The following RDX variants were observed in gnomAD, a reference collection of about 807,000 sequenced individuals.
RDX encodes deafness, autosomal recessive 24.
A neutral mutation model predicts 83.7 loss-of-function variants in RDX; 32 were observed. The ratio of observed to expected loss-of-function variants is 0.38; its 90% CI spans 0.29 to 0.51. The LOEUF (loss-of-function observed/expected upper bound fraction) is 0.51, where lower values mean the gene tolerates loss of function less well. RDX is among the 20% of genes least tolerant of loss of function. RDX has a pLI of 0.87. For synonymous variants in RDX, 229 were observed against 222.7 expected (o/e 1.03, Z -0.25); for missense variants, 600 against 689.9 (o/e 0.87, Z 1.46).
At chr11:110,263,240 C>T (rs1859873053) in intron 5 of RDX, 1 of 151,296 alleles carries the variant, frequency 6.6e-6, no homozygotes, top group Admixed American at 6.6e-5. Context: ...GATTGCACCA[C>T]TGCACTCCAG....
intron 13 of RDX, 67 bp downstream of exon 13, chr11:110,233,170 G>C: frequency 1.3e-6 from 2 of 1,591,312 alleles, no homozygotes; most frequent in Non-Finnish European, 1.7e-6. Context: ...TTTTAACTAA[G>C]TTTGTCTAAG....
intron 10 of RDX, among the ~76,000 whole-genome samples, chr11:110,246,909 T>A (rs1025604886): frequency 5.3e-5 from 8 of 152,220 alleles, no homozygotes; most frequent in Non-Finnish European, 8.8e-5. Context: ...ATAGCTTGTT[T>A]TACCAATTGT....
At chr11:110,296,141 C>T (rs1429729040) in intron 1 of RDX, among the ~76,000 whole-genome samples, 1 of 152,202 alleles carries the variant, frequency 6.6e-6, no homozygotes, top group Admixed American at 6.5e-5. Context: ...CCGACACCGG[C>T]GCTGAAGGCA....
At chr11:110,219,834 G>A (rs572146824) in intron 14 of RDX, among the ~76,000 whole-genome samples, 1 of 152,172 alleles carries the variant, frequency 6.6e-6, no homozygotes, top group East Asian at 1.9e-4. Context: ...ATATACATCT[G>A]AAGTTCAGGG....
intron 14 of RDX, among the ~76,000 whole-genome samples, chr11:110,212,245 T>G (rs1307977123): frequency 6.6e-6 from 1 of 152,134 alleles, no homozygotes; most frequent in Non-Finnish European, 1.5e-5. Flanking sequence ...AAGAAATGGA[T>G]AAATTCCTGG....
At chr11:110,249,350 A>G (rs1172476429) in intron 9 of RDX, among the ~76,000 whole-genome samples, 1 of 152,200 alleles carries the variant, frequency 6.6e-6, no homozygotes, top group Non-Finnish European at 1.5e-5. Context: ...AACTTATCAG[A>G]AAAGTTTTGC....
chr11:110,196,233 C>T (rs777145615), intron 15 of RDX: 2 of 152,130 alleles, frequency 1.3e-5, no homozygotes, highest in African/African-American at 2.4e-5. Context: ...CTTGAACACT[C>T]GTATTATCAA....
intron 1 of RDX, among the ~76,000 whole-genome samples, chr11:110,283,193 A>T (rs1318386402): frequency 6.6e-6 from 1 of 152,100 alleles, no homozygotes; most frequent in Non-Finnish European, 1.5e-5. Context: ...TCGCTCTGTC[A>T]CCCAGGCTGG....
At chr11:110,243,046 A>G (rs1474219393) in intron 10 of RDX, among the ~76,000 whole-genome samples, 1 of 152,198 alleles carries the variant, frequency 6.6e-6, no homozygotes, top group Non-Finnish European at 1.5e-5. Flanking sequence ...AATAAACTAC[A>G]GACAGAGTAT....
At chr11:110,208,538 G>C (rs545003256) in intron 14 of RDX, among the ~76,000 whole-genome samples, 1 of 151,970 alleles carries the variant, frequency 6.6e-6, no homozygotes, top group East Asian at 1.9e-4. Context: ...ACACCTATTG[G>C]GTGGCTTAAA....
chr11:110,183,689 G>A lies in RDX; in HGVS notation c.*32-8455C>T, dbSNP rs142373722. Among the ~76,000 whole-genome samples the A allele has an allele frequency of 2.0e-3, 308 of 152,230 alleles. 1 individual carries two copies. The highest frequency in any genetic ancestry group is 7.2e-3 in the African/African-American group (300 of 41,558). On this transcript the variant is annotated intron_variant, in intron 15 of 15. Transcript: ENST00000528498. ...AACACTCAGATGACCTTTTTTCTCT[G>A]CCACTGCTCTATTACCTGTTCACTT...
At chr11:110,234,649 G>A (rs957070975) in intron 12 of RDX, among the ~76,000 whole-genome samples, 2 of 152,076 alleles carry the variant, frequency 1.3e-5, no homozygotes, top group Non-Finnish European at 2.9e-5. Flanking sequence ...TAAAGTTTAT[G>A]TGTCTCTAAA....
At chr11:110,222,701 C>A (rs572546619) in intron 14 of RDX, among the ~76,000 whole-genome samples, 9 of 152,238 alleles carry the variant, frequency 5.9e-5, no homozygotes, top group Middle Eastern at 3.4e-3. Flanking sequence ...GAGGCTGAGG[C>A]ATGAGAATGG....
chr11:110,243,635 T>C (rs753882999), intron 10 of RDX, among the ~76,000 whole-genome samples: 2 of 151,974 alleles, frequency 1.3e-5, no homozygotes, highest in Non-Finnish European at 2.9e-5. Flanking sequence ...TGAGAATCGC[T>C]TGAAGCTCAG....
intron 14 of RDX, among the ~76,000 whole-genome samples, chr11:110,205,971 T>C (rs1223640509): frequency 7.9e-5 from 12 of 152,186 alleles, no homozygotes; most frequent in Admixed American, 7.9e-4. Flanking sequence ...GTAACAATCC[T>C]ATAGCCAGAC....
chr11:110,261,323 T>TTTATG (rs1859795575), intron 5 of RDX, among the ~76,000 whole-genome samples: 1 of 152,182 alleles, frequency 6.6e-6, no homozygotes, highest in South Asian at 2.1e-4. Flanking sequence ...TATGTAAAAG[T>TTTATG]TTATGTATAT....
Position 110,237,549 on chromosome 11 carries a change from C to A in RDX, c.1194G>T (p.Glu398Asp). The A allele has an allele frequency of 6.2e-7, 1 of 1,613,652 alleles. No individual in the cohort carries two copies. The highest frequency in any genetic ancestry group is 8.5e-7 in the Non-Finnish European group (1 of 1,180,032). The change falls in exon 11 of 14, where the codon GAG becomes GAT. Residue 398 changes from glutamate to aspartate, a missense_variant. By Grantham distance (45) the Glu-to-Asp change is conservative. Coordinates refer to ENST00000645495, the MANE Select transcript of RDX (RefSeq NM_002906.4). ...RLEKERRAAE[E>D]AKSAIAKQAA... ...CTTGTTTTGCTATGGCAGACTTTGC[C>A]TCTTCAGCAGCTCGACGCTCCTTTT...
rs1213856309 is a variant in RDX at position 110,232,557 on chromosome 11, AATTAAG to A, written c.1588-530_1588-525del. ...TTGCCAATATAAAATCTCAACAAAT[AATTAAG>A]ATTATGTAATGTCTTAAACATAGTA... On this transcript the variant is annotated intron_variant, in intron 13 of 13. Coordinates refer to ENST00000645495, the MANE Select transcript of RDX (RefSeq NM_002906.4). Among the ~76,000 whole-genome samples the A allele has an allele frequency of 2.2e-3, 129 of 57,846 alleles. 1 individual carries two copies. The South Asian group carries it at 0.068, about 30-fold the overall frequency. 37.9% of individuals were successfully genotyped at this position (57,846 alleles called of 152,430 possible).
intron 1 of RDX, among the ~76,000 whole-genome samples, chr11:110,294,897 C>T (rs1861384545): frequency 6.6e-6 from 1 of 152,074 alleles, no homozygotes; most frequent in Admixed American, 6.5e-5. Flanking sequence ...TTTTCAATGC[C>T]ACAATCAAAT....
Sources: gnomAD v4.1 joint callset for allele counts (sites outside exome capture counted in the v4.1 genomes callset) on GRCh38, gnomAD v4.1.1 for gene constraint, MANE v1.5 for transcripts, NCBI Gene and HGNC (gene_info 2026-07-23, HGNC 2026-07-21) for gene names.